The following C12orf42 variants were observed in gnomAD, a reference collection of about 807,000 sequenced individuals.
C12orf42 encodes the protein uncharacterized protein C12orf42.
Under a neutral mutation model 21.6 loss-of-function variants are expected in C12orf42, and 25 were observed. That is an observed-to-expected ratio of 1.16 (90% CI 0.84 to 1.62). The LOEUF is 1.62. Ranked by LOEUF, C12orf42 falls within the 40% of genes most tolerant of loss-of-function variation. C12orf42 has a pLI of 0.00. For missense variants in C12orf42, 483 were observed against 459.3 expected (o/e 1.05, Z -0.47); for synonymous variants, 174 against 175.0 (o/e 0.99, Z 0.05).
chr12:103,429,797 G>A (rs1376520744), intron 2 of C12orf42, among the ~76,000 whole-genome samples: 1 of 152,062 alleles, frequency 6.6e-6, no homozygotes, highest in Non-Finnish European at 1.5e-5. Flanking sequence ...ACAGAACAGA[G>A]GCCTCAGAAA....
the C12orf42 span, among the ~76,000 whole-genome samples, chr12:103,143,827 A>G: frequency 6.6e-6 from 1 of 152,232 alleles, no homozygotes; most frequent in Non-Finnish European, 1.5e-5. Context: ...TGGCCTGAGT[A>G]TTAATCCCAG....
chr12:103,189,829 A>G, the C12orf42 span, among the ~76,000 whole-genome samples: 1 of 152,170 alleles, frequency 6.6e-6, no homozygotes, highest in Non-Finnish European at 1.5e-5. Context: ...CCACAATCCT[A>G]GCCAGCCAAC....
upstream of C12orf42, among the ~76,000 whole-genome samples, chr12:103,498,006 G>A (rs1211442311): frequency 6.6e-6 from 1 of 151,922 alleles, no homozygotes; most frequent in Non-Finnish European, 1.5e-5. Flanking sequence ...CTTCACTCCA[G>A]CCTGGGTGAC....
At chr12:103,152,999 C>A in the C12orf42 span, among the ~76,000 whole-genome samples, 5 of 151,968 alleles carry the variant, frequency 3.3e-5, no homozygotes, top group Admixed American at 3.3e-4. Flanking sequence ...TTAACTAGTT[C>A]TAAAACTCAT....
At chr12:103,128,980 G>A in the C12orf42 span, among the ~76,000 whole-genome samples, 1 of 152,112 alleles carries the variant, frequency 6.6e-6, no homozygotes, top group Non-Finnish European at 1.5e-5. Context: ...ATACAGAGAG[G>A]GTGGGGGAAA....
chr12:103,253,772 C>T (rs1384093282), intron 10 of C12orf42, among the ~76,000 whole-genome samples: 1 of 152,006 alleles, frequency 6.6e-6, no homozygotes, highest in Non-Finnish European at 1.5e-5. Flanking sequence ...GCCCCATGAT[C>T]TCAGCCCAAA....
rs529803076 is a variant in C12orf42, at chr12:103,295,790, C to T, written n.338-18580G>A. On this transcript the variant is annotated intron_variant and non_coding_transcript_variant, in intron 4 of 6. Transcript: ENST00000546526. The stretch of plus-strand genomic sequence containing the variant: ...GATACCACTCTTACTTTTCAAAATG[C>T]TTTCATTTTATAGCAAATTTCGTCC... Among the ~76,000 whole-genome samples the T allele has an allele frequency of 3.3e-5, 5 of 152,058 alleles. No individual in the cohort carries two copies. The East Asian group carries it at 9.7e-4, about 29-fold the overall frequency.
At chr12:103,306,751 C>T (rs984765393) in intron 4 of C12orf42, among the ~76,000 whole-genome samples, 9 of 152,132 alleles carry the variant, frequency 5.9e-5, no homozygotes, top group African/African-American at 1.9e-4. Flanking sequence ...AGTCCTAACC[C>T]GCAGCACCTG....
At chr12:103,059,534 C>A in the C12orf42 span, among the ~76,000 whole-genome samples, 1,638 of 152,232 alleles carry the variant, frequency 0.011, 29 homozygotes, top group African/African-American at 0.037. Flanking sequence ...AAAAAGAAAA[C>A]TTCAGGCCAA....
At chr12:103,066,690 A>G in the C12orf42 span, among the ~76,000 whole-genome samples, 2 of 152,242 alleles carry the variant, frequency 1.3e-5, no homozygotes, top group African/African-American at 2.4e-5. Flanking sequence ...GCTGTAGCCA[A>G]TGGTTTGGCC....
chr12:103,074,159 G>A, the C12orf42 span, among the ~76,000 whole-genome samples: 18 of 152,184 alleles, frequency 1.2e-4, no homozygotes, highest in African/African-American at 4.1e-4. Flanking sequence ...GAGGAGTTGT[G>A]AACTAAAAGT....
At chr12:103,513,186 G>A in the C12orf42 span, among the ~76,000 whole-genome samples, 4 of 152,016 alleles carry the variant, frequency 2.6e-5, no homozygotes, top group Non-Finnish European at 5.9e-5. Flanking sequence ...TTCAGAGAAG[G>A]ACCTGTGACC....
chr12:103,470,688 C>T (rs1258486645), intron 2 of C12orf42, among the ~76,000 whole-genome samples: 1 of 152,154 alleles, frequency 6.6e-6, no homozygotes, highest in Non-Finnish European at 1.5e-5. Flanking sequence ...TCCTCCTTCT[C>T]TTTTGGGAAC....
At chr12:103,185,231 C>G in the C12orf42 span, among the ~76,000 whole-genome samples, 1 of 152,082 alleles carries the variant, frequency 6.6e-6, no homozygotes, top group Non-Finnish European at 1.5e-5. Flanking sequence ...AGGGCGACTC[C>G]TAGATAAAGT....
At chr12:103,533,514 C>T in the C12orf42 span, among the ~76,000 whole-genome samples, 6 of 152,168 alleles carry the variant, frequency 3.9e-5, no homozygotes, top group African/African-American at 1.4e-4. Flanking sequence ...AGTAAAACTG[C>T]CATGCCAGGC....
chr12:103,525,091 C>T, the C12orf42 span, among the ~76,000 whole-genome samples: 1 of 152,144 alleles, frequency 6.6e-6, no homozygotes, highest in Non-Finnish European at 1.5e-5. Context: ...AATCTCGGCT[C>T]ACTGCAGCCT....
At chr12:103,381,381 T>C (rs902191495) in intron 3 of C12orf42, among the ~76,000 whole-genome samples, 2 of 152,158 alleles carry the variant, frequency 1.3e-5, no homozygotes, top group Admixed American at 1.3e-4. Context: ...GCAAAGCTCT[T>C]AGAATCAGTA....
At chr12:103,077,567 A>G in the C12orf42 span, among the ~76,000 whole-genome samples, 1 of 152,206 alleles carries the variant, frequency 6.6e-6, no homozygotes, top group South Asian at 2.1e-4. Flanking sequence ...GAGCAATCCA[A>G]GCTGGACACA....
chr12:103,170,861 A>T, the C12orf42 span, among the ~76,000 whole-genome samples: 499 of 152,308 alleles, frequency 3.3e-3, 1 homozygote, highest in African/African-American at 0.012. Context: ...AAGATATTTT[A>T]GAGCCTCGTG....
Sources: allele counts gnomAD v4.1 joint callset (sites outside exome capture counted in the v4.1 genomes callset), GRCh38; gene constraint gnomAD v4.1.1; transcripts MANE v1.5; gene names NCBI Gene and HGNC (gene_info 2026-07-23, HGNC 2026-07-21).